CFAP47: variants seen among roughly 807,000 people sequenced by gnomAD.
CFAP47 encodes cilia and flagella associated protein 47.
CFAP47 carries 29 observed loss-of-function variants against 148.1 expected under a neutral mutation model. The observed-to-expected ratio is 0.20, with a 90% CI of 0.15 to 0.27. CFAP47 has a LOEUF of 0.27. Ranked by LOEUF, CFAP47 falls within the 10% of genes least tolerant of loss-of-function variation. CFAP47 has a pLI of 1.00. For synonymous variants in CFAP47, 664 were observed against 577.3 expected, an observed-to-expected ratio of 1.15 and a Z score of -2.15; for missense variants, 1,872 against 1,697.5, an observed-to-expected ratio of 1.10 and a Z score of -1.81.
intron 51 of CFAP47, among the ~76,000 whole-genome samples, chrX:36,286,756 T>C (rs781978228): frequency 2.3e-4 from 26 of 111,431 alleles, no homozygotes; most frequent in South Asian, 7.4e-4. Flanking sequence ...TTTGAAAAAA[T>C]TGAGTGCATG....
rs1370590972 is a variant in CFAP47, at chrX:36,379,389, C to T, written c.9225C>T (p.Ser3075=). ...TCACCGCACACTTCCTACCTGGCAG[C>T]GATCTGGAGTTTTTTGTAAAACCTC... ...EPFTAHFLPG[S]DLEFFVKPQA... Residue 3075 remains serine (S), a synonymous_variant, in exon 63 of 64, where the codon AGC becomes AGT. Coordinates refer to ENST00000378653, the MANE Select transcript of CFAP47 (RefSeq NM_001304548.2). 7.2e-5 allele frequency: 84 copies of T among 1,165,244 alleles called. No individual in the cohort carries two copies. The highest frequency in any genetic ancestry group is 9.2e-5 in the Non-Finnish European group (80 of 871,939).
At chrX:36,154,585 T>G (rs1939344935) in intron 37 of CFAP47, among the ~76,000 whole-genome samples, 1 of 112,382 alleles carries the variant, frequency 8.9e-6, no homozygotes, top group East Asian at 2.8e-4. Flanking sequence ...TGTTCAAGCT[T>G]TCTCTACAGC....
At chrX:36,061,020 T>C (rs1174771791) in intron 26 of CFAP47, among the ~76,000 whole-genome samples, 7 of 111,633 alleles carry the variant, frequency 6.3e-5, no homozygotes, top group Non-Finnish European at 1.1e-4. Context: ...TCATGTGGAA[T>C]TGTAAGCCCC....
At chrX:35,959,212 A>AT (rs1907381477) in intron 8 of CFAP47, among the ~76,000 whole-genome samples, 1 of 111,673 alleles carries the variant, frequency 9.0e-6, no homozygotes, top group African/African-American at 3.3e-5. Context: ...ACATTTTACT[A>AT]TTTTTTTAAT....
intron 1 of CFAP47, among the ~76,000 whole-genome samples, chrX:35,924,090 C>T (rs777841243): frequency 1.3e-5 from 1 of 77,222 alleles, no homozygotes; most frequent in East Asian, 5.0e-4. Flanking sequence ...TACATGTATG[C>T]GTACATATAT....
chrX:36,269,325 C>T lies in CFAP47; in HGVS notation c.7445-11162C>T, dbSNP rs193185199. ...TTTGATACCAATGAGACATACTTGA[C>T]TTTAAGGACCTAAGAGGAGAGGTCA... On this transcript the variant is annotated intron_variant, in intron 49 of 63. Transcript: ENST00000378653. 2.9e-3 allele frequency among the ~76,000 whole-genome samples: 322 copies of T among 111,976 alleles called. 1 individual carries two copies. The highest frequency in any genetic ancestry group is 9.3e-3 in the African/African-American group (286 of 30,879).
chrX:36,156,122 T>A (rs997592329), intron 37 of CFAP47, among the ~76,000 whole-genome samples: 3 of 111,098 alleles, frequency 2.7e-5, no homozygotes, highest in Non-Finnish European at 5.7e-5. Context: ...TTATTTTAGG[T>A]AGCTGTTATT....
chrX:35,954,208 A>C (rs1236617654), intron 7 of CFAP47, among the ~76,000 whole-genome samples: 1 of 111,245 alleles, frequency 9.0e-6, no homozygotes, highest in Non-Finnish European at 1.9e-5. Flanking sequence ...GCCACATGTC[A>C]ATATGCCTTA....
chrX:35,974,804 A>C (rs1382802539), intron 13 of CFAP47, among the ~76,000 whole-genome samples: 2 of 111,414 alleles, frequency 1.8e-5, no homozygotes, highest in African/African-American at 6.5e-5. Flanking sequence ...ATTATAGATA[A>C]GTGAACAAAA....
chrX:36,298,161 A>T lies in CFAP47; in HGVS notation c.7687-816A>T, dbSNP rs912041034. Among the ~76,000 whole-genome samples the T allele has an allele frequency of 3.6e-4, 37 of 102,442 alleles. 1 individual carries two copies. Among genetic ancestry groups the T allele is most frequent in the Admixed American group, 7.6e-4 (7 of 9,241 alleles). The allele number at this position is 102,442 out of a possible 115,157, so 89.0% of individuals were successfully genotyped here. ...ATAGCAAAGACTTGGAACCAACCCA[A>T]ATGTCCAACAATGATAGACTGGATT... is the stretch of plus-strand genomic sequence containing the variant. On this transcript the variant is annotated intron_variant, in intron 51 of 63. Transcript: ENST00000378653.
At chrX:36,305,999 C>G (rs1233994709) in intron 54 of CFAP47, among the ~76,000 whole-genome samples, 1 of 111,979 alleles carries the variant, frequency 8.9e-6, no homozygotes, top group Non-Finnish European at 1.9e-5. Context: ...CTGCTGTATT[C>G]AAGAAGGATT....
At chrX:36,126,228 A>G (rs982230345) in intron 33 of CFAP47, among the ~76,000 whole-genome samples, 2 of 108,996 alleles carry the variant, frequency 1.8e-5, no homozygotes, top group African/African-American at 6.7e-5. Flanking sequence ...TATTTCTCCT[A>G]TATGTTATCC....
chrX:35,938,625 C>T (rs1445626570), intron 2 of CFAP47, among the ~76,000 whole-genome samples: 3 of 111,337 alleles, frequency 2.7e-5, no homozygotes, highest in Non-Finnish European at 1.9e-5. Context: ...GTGAATCCCA[C>T]ATGCATTTTA....
intron 56 of CFAP47, among the ~76,000 whole-genome samples, chrX:36,313,542 C>A (rs1202845273): frequency 9.0e-6 from 1 of 111,164 alleles, no homozygotes; most frequent in Non-Finnish European, 1.9e-5. Context: ...TAAACCATAT[C>A]AAATACCTTC....
At chrX:36,158,924 T>A (rs1052703642) in intron 37 of CFAP47, among the ~76,000 whole-genome samples, 1 of 111,936 alleles carries the variant, frequency 8.9e-6, no homozygotes, top group Non-Finnish European at 1.9e-5. Flanking sequence ...GACTGCCAAA[T>A]TGAAGATTAA....
In CFAP47 at chrX:36,379,447, G is replaced by A. The variant is rs1487355820; in HGVS notation, c.9283G>A (p.Gly3095Arg). 9.5e-6 allele frequency: 11 copies of A among 1,161,867 alleles called. No individual in the cohort carries two copies. Among genetic ancestry groups the A allele is most frequent in the East Asian group, 6.5e-5 (2 of 30,689 alleles). The change falls in exon 63 of 64, where the codon GGA becomes AGA. Residue 3095 changes from glycine to arginine, a missense_variant. Coordinates refer to ENST00000378653, the MANE Select transcript of CFAP47 (RefSeq NM_001304548.2). The stretch of plus-strand genomic sequence containing the variant: ...AGAACTTCTTCCTTTTAACACAAAC[G>A]GAACTCTCATCACTGTAGGATTTAA... The part of the protein sequence containing the change: ...AGELLPFNTN[G>R]TLITVGFKPK...
chrX:36,342,620 T>C (rs1183726876), intron 57 of CFAP47, among the ~76,000 whole-genome samples: 1 of 109,040 alleles, frequency 9.2e-6, no homozygotes, highest in Non-Finnish European at 1.9e-5. Flanking sequence ...TTTAAATAAG[T>C]GTGTTTTTTT....
intron 33 of CFAP47, among the ~76,000 whole-genome samples, chrX:36,130,176 A>G (rs1277042867): frequency 9.0e-6 from 1 of 111,404 alleles, no homozygotes; most frequent in East Asian, 2.8e-4. Context: ...TATTCATCTG[A>G]TAAGGGATTA....
intron 30 of CFAP47, among the ~76,000 whole-genome samples, chrX:36,088,764 T>A (rs1466557751): frequency 9.0e-6 from 1 of 111,642 alleles, no homozygotes; most frequent in Non-Finnish European, 1.9e-5. Context: ...ACAATTTCAC[T>A]TGTTTATAGT....
Sources: gnomAD v4.1 joint callset for allele counts (sites outside exome capture counted in the v4.1 genomes callset) on GRCh38, gnomAD v4.1.1 for gene constraint, MANE v1.5 for transcripts, NCBI Gene and HGNC (gene_info 2026-07-23, HGNC 2026-07-21) for gene names.